Variants in CFHR5 observed in about 807,000 individuals in gnomAD.
The protein encoded by CFHR5 is complement factor H related 5.
A neutral mutation model predicts 62.9 loss-of-function variants in CFHR5; 73 were observed. That is an observed-to-expected ratio of 1.16 (90% CI 0.96 to 1.41). The LOEUF is 1.41. CFHR5 is among the 40% of genes most tolerant of loss of function. The pLI, the probability that CFHR5 is intolerant of heterozygous loss-of-function variation, is 0.00. For synonymous variants in CFHR5, 249 were observed against 227.2 expected (o/e 1.10, Z -0.86); for missense variants, 779 against 679.9 (o/e 1.15, Z -1.62).
In CFHR5 at chr1:197,002,638, G is replaced by A. The variant is rs776538115; in HGVS notation, c.1304G>A (p.Arg435Gln). The A allele has an allele frequency of 4.3e-5, 70 of 1,613,310 alleles. No homozygotes were observed. The highest frequency in any genetic ancestry group is 1.3e-4 in the Admixed American group (8 of 59,968). Reference protein sequence around the residue: ...EAKEIVCKDGRWQSLPRCVES... With the variant: ...EAKEIVCKDGQWQSLPRCVES... ...AAAGAAATTGTATGTAAAGATGGACGATGGCAATCATTACCACGCTGTGTT... is the reference window on the plus strand; with the variant it reads ...AAAGAAATTGTATGTAAAGATGGACAATGGCAATCATTACCACGCTGTGTT... The change falls in exon 8 of 10, where the codon CGA becomes CAA. Residue 435 changes from arginine to glutamine, a missense_variant. By Grantham distance (43) the Arg-to-Gln change is conservative. Coordinates refer to ENST00000256785, the MANE Select transcript of CFHR5 (RefSeq NM_030787.4).
At chr1:196,993,581 C>A (rs1038185532) in intron 3 of CFHR5, among the ~76,000 whole-genome samples, 3 of 152,006 alleles carry the variant, frequency 2.0e-5, no homozygotes, top group Non-Finnish European at 1.5e-5. Context: ...ACAGACATGA[C>A]CCACCATGTC....
intron 7 of CFHR5, among the ~76,000 whole-genome samples, chr1:197,001,773 A>G (rs906387775): frequency 7.3e-6 from 1 of 137,094 alleles, no homozygotes; most frequent in Non-Finnish European, 1.5e-5. Flanking sequence ...TCATTGTTCA[A>G]TTCCCACCAT....
chr1:196,986,457 T>C (rs1016253963), intron 3 of CFHR5, among the ~76,000 whole-genome samples: 1 of 152,060 alleles, frequency 6.6e-6, no homozygotes, highest in African/African-American at 2.4e-5. Flanking sequence ...GTCATATTGG[T>C]TTGCTGCACC....
In CFHR5 at chr1:196,995,799, T is replaced by C; in HGVS notation, c.690T>C (p.Asn230=). The C allele has an allele frequency of 6.2e-7, 1 of 1,612,274 alleles. No individual in the cohort carries two copies. The highest frequency in any genetic ancestry group is 8.5e-7 in the Non-Finnish European group (1 of 1,178,500). Residue 230 remains asparagine (N), a synonymous_variant, in exon 5 of 10, where the codon AAT becomes AAC. Coordinates refer to ENST00000256785, the MANE Select transcript of CFHR5 (RefSeq NM_030787.4). The part of the protein sequence containing the change: ...KEIRKEEYGH[N]EVVEYDCNPN... ...TAAGAAAAGAGGAATATGGACACAA[T>C]GAAGTAGTGGAATATGATTGCAATC... is the stretch of plus-strand genomic sequence containing the variant.
chr1:196,979,406 A>G (rs904675634), intron 1 of CFHR5, among the ~76,000 whole-genome samples: 1 of 152,022 alleles, frequency 6.6e-6, no homozygotes, highest in African/African-American at 2.4e-5. Context: ...ATAGCCTACT[A>G]CCTAACTAAG....
chr1:197,002,618 A>G lies in CFHR5; in HGVS notation c.1284A>G (p.Glu428=). ...KENYLLPEAK[E]IVCKDGRWQS... is the part of the protein sequence containing the mutation. ...ACTATCTACTTCCAGAAGCAAAAGA[A>G]ATTGTATGTAAAGATGGACGATGGC... The change falls in exon 8 of 10, where the codon GAA becomes GAG. Residue 428 remains glutamate (E), a synonymous_variant. Coordinates refer to ENST00000256785, the MANE Select transcript of CFHR5 (RefSeq NM_030787.4). 1 of 1,613,652 alleles carries G rather than the reference A, an allele frequency of 6.2e-7. No individual in the cohort carries two copies. The highest frequency in any genetic ancestry group is 8.5e-7 in the Non-Finnish European group (1 of 1,179,758).
intron 3 of CFHR5, among the ~76,000 whole-genome samples, chr1:196,988,383 C>T (rs1653752126): frequency 6.6e-6 from 1 of 152,144 alleles, no homozygotes; most frequent in Admixed American, 6.5e-5. Flanking sequence ...CCTGATTGCC[C>T]TGGCCAGAAC....
At chr1:196,999,738 T>C (rs1440252564) in intron 7 of CFHR5, among the ~76,000 whole-genome samples, 1 of 78,408 alleles carries the variant, frequency 1.3e-5, no homozygotes, top group Middle Eastern at 7.9e-3. Flanking sequence ...CACACACATA[T>C]ATATACACAC....
At chr1:197,007,251 A>C (rs1214272817) in intron 9 of CFHR5, among the ~76,000 whole-genome samples, 1 of 151,986 alleles carries the variant, frequency 6.6e-6, no homozygotes. Flanking sequence ...TAGAGTCTTG[A>C]CTAGTAGGTA....
chr1:197,004,918 A>C, intron 9 of CFHR5, 75 bp downstream of exon 9: 1 of 1,112,646 alleles, frequency 9.0e-7, no homozygotes. Flanking sequence ...ATTTCATAGA[A>C]TAACCCTTAC....
chr1:196,983,867 CA>C (rs758609483), intron 2 of CFHR5, 93 bp from the exon 3 acceptor site: 9 of 793,976 alleles, frequency 1.1e-5, no homozygotes, highest in Non-Finnish European at 1.9e-5. Context: ...CACATGATGT[CA>C]GTTTTCAAAG....
At chr1:196,994,007 A>G in intron 3 of CFHR5, 73 bp from the exon 4 acceptor site, 1 of 1,221,692 alleles carries the variant, frequency 8.2e-7, no homozygotes, top group Admixed American at 1.7e-5. Flanking sequence ...CTTGCATCTT[A>G]TTTTTATATA....
intron 7 of CFHR5, among the ~76,000 whole-genome samples, chr1:196,999,506 T>G (rs1172142697): frequency 6.6e-6 from 1 of 151,282 alleles, no homozygotes; most frequent in East Asian, 1.9e-4. Context: ...CTTCCTTACC[T>G]TTCATTTTGG....
Position 196,984,064 on chromosome 1 carries a change from C to A in CFHR5, c.357C>A (p.Ser119Arg), listed in dbSNP as rs770559120. 2.5e-6 allele frequency: 4 copies of A among 1,613,574 alleles called. No homozygotes were observed. In the East Asian group the frequency reaches 6.7e-5, roughly 27 times the overall value. ...AAATTATTTGCAACACAGGATACAG[C>A]CTTCAAAACAATGAGAAAAACATTT... ...TVQIICNTGY[S>R]LQNNEKNISC... Residue 119 changes from serine to arginine, a missense_variant, in exon 3 of 10, where the codon AGC becomes AGA. By Grantham distance (110) the Ser-to-Arg change is moderately radical (BLOSUM62 -1). Coordinates refer to ENST00000256785, the MANE Select transcript of CFHR5 (RefSeq NM_030787.4).
chr1:196,999,239 A>G (rs998515914), intron 7 of CFHR5, among the ~76,000 whole-genome samples: 5 of 151,958 alleles, frequency 3.3e-5, no homozygotes, highest in African/African-American at 9.7e-5. Context: ...AGATAACTAC[A>G]ATTTGTTTAA....
At chr1:196,992,740 A>G (rs370589090) in intron 3 of CFHR5, among the ~76,000 whole-genome samples, 1 of 152,158 alleles carries the variant, frequency 6.6e-6, no homozygotes, top group Non-Finnish European at 1.5e-5. Flanking sequence ...CCAATAAAGA[A>G]CTGTCATGCA....
chr1:196,984,705 T>C (rs1653635579), intron 3 of CFHR5, among the ~76,000 whole-genome samples: 1 of 152,184 alleles, frequency 6.6e-6, no homozygotes, highest in African/African-American at 2.4e-5. Context: ...TCTTCAGTAA[T>C]TGTTCTTTGC....
chr1:196,998,342 T>A (rs1654048039), intron 7 of CFHR5, 38 bp downstream of exon 7: 2 of 1,496,430 alleles, frequency 1.3e-6, no homozygotes, highest in South Asian at 1.2e-5. Context: ...ATCTTGTTGC[T>A]TCTTTACAAG....
chr1:196,977,773 T>C (rs746774854), intron 1 of CFHR5, 51 bp downstream of exon 1: 1 of 1,383,160 alleles, frequency 7.2e-7, no homozygotes, highest in South Asian at 1.2e-5. Context: ...AATGTATTTA[T>C]TGATTGTGTG....
Sources: gnomAD v4.1 joint callset for allele counts (sites outside exome capture counted in the v4.1 genomes callset) on GRCh38, gnomAD v4.1.1 for gene constraint, MANE v1.5 for transcripts, NCBI Gene and HGNC (gene_info 2026-07-23, HGNC 2026-07-21) for gene names.